Variants in FTCDNL1 observed in about 807,000 individuals in gnomAD.
FTCDNL1 encodes the protein formiminotransferase N-terminal subdomain-containing protein.
Under a neutral mutation model 5.9 loss-of-function variants are expected in FTCDNL1, and 11 were observed. The observed-to-expected ratio is 1.87, with a 90% CI of 1.18 to 3.10. The LOEUF (loss-of-function observed/expected upper bound fraction) is 3.10. Ranked by LOEUF, FTCDNL1 falls within the 30% of genes most tolerant of loss-of-function variation. The pLI, the probability that FTCDNL1 is intolerant of heterozygous loss-of-function variation, is 0.00. For synonymous variants in FTCDNL1, 58 were observed against 24.8 expected (o/e 2.34, Z -3.99); for missense variants, 115 against 65.5 (o/e 1.76, Z -2.61).
chr2:199,737,136 ATT>A, the FTCDNL1 span, among the ~76,000 whole-genome samples: 2 of 152,210 alleles, frequency 1.3e-5, no homozygotes, highest in Non-Finnish European at 2.9e-5. Context: ...TCTGGAAACA[ATT>A]ACCTTGGACC....
chr2:199,848,076 A>G (rs1464862937), intron 2 of FTCDNL1, among the ~76,000 whole-genome samples: 2 of 152,236 alleles, frequency 1.3e-5, no homozygotes, highest in Non-Finnish European at 2.9e-5. Context: ...GTTGCCAAAA[A>G]GTTATTGATT....
At chr2:199,847,266 C>G (rs1290736416) in intron 2 of FTCDNL1, among the ~76,000 whole-genome samples, 1 of 151,610 alleles carries the variant, frequency 6.6e-6, no homozygotes, top group African/African-American at 2.4e-5. Context: ...AAAATAAATG[C>G]CTTTAAAATA....
rs189591694 is a variant in FTCDNL1, at chr2:199,817,683, C to T, written c.397+1889G>A. 9.6e-4 allele frequency among the ~76,000 whole-genome samples: 145 copies of T among 150,280 alleles called. No homozygotes were observed. The Middle Eastern group carries it at 0.01, about 11-fold the overall frequency. On this transcript the variant is annotated intron_variant, in intron 4 of 4. Transcript: ENST00000420128. ...ACCTGAGCCCATGAAGTTGTGGCTGCAGTGAGCCGAGATCGCACCACTGTA... is the reference window on the plus strand; with the variant it reads ...ACCTGAGCCCATGAAGTTGTGGCTGTAGTGAGCCGAGATCGCACCACTGTA...
the FTCDNL1 span, among the ~76,000 whole-genome samples, chr2:199,673,039 C>A: frequency 6.6e-6 from 1 of 151,974 alleles, no homozygotes; most frequent in East Asian, 1.9e-4. Context: ...ATGAAAGTCA[C>A]AAAATTGGCT....
At chr2:199,683,784 T>G in the FTCDNL1 span, among the ~76,000 whole-genome samples, 2 of 152,342 alleles carry the variant, frequency 1.3e-5, no homozygotes, top group Non-Finnish European at 2.9e-5. Context: ...ATACCTTTAA[T>G]TCCCTGTGGA....
chr2:199,716,033 TAAAAAAAAAAAAAAAAAAAAAA>T, the FTCDNL1 span, among the ~76,000 whole-genome samples: 11 of 108,964 alleles, frequency 1.0e-4, no homozygotes, highest in Admixed American at 3.0e-4. Context: ...TGCCTCTAGT[TAAAAAAAAAAAAAAAAAAAAAA>T]AAAAAAAAAA....
At chr2:199,796,362 A>G (rs190293713) in intron 3 of FTCDNL1, among the ~76,000 whole-genome samples, 1 of 152,338 alleles carries the variant, frequency 6.6e-6, no homozygotes, top group Admixed American at 6.5e-5. Context: ...AAATATTGAT[A>G]GCCATCAAAA....
chr2:199,835,877 T>C lies in FTCDNL1; in HGVS notation c.211+10198A>G, dbSNP rs139003955. Among the ~76,000 whole-genome samples, 283 of 152,332 alleles carry C rather than the reference T, an allele frequency of 1.9e-3. 2 individuals are homozygous for C. The highest frequency in any genetic ancestry group is 6.4e-3 in the African/African-American group (265 of 41,572). ...CAGAAAACCTAAAACCCCTCAACTT[T>C]GAGGCCCCCTGGGGCTCCCTTTGTT... On this transcript the variant is annotated intron_variant, in intron 3 of 4. Transcript: ENST00000420128.
chr2:199,671,762 T>C, the FTCDNL1 span, among the ~76,000 whole-genome samples: 1 of 152,102 alleles, frequency 6.6e-6, no homozygotes, highest in Non-Finnish European at 1.5e-5. Flanking sequence ...GGCAATCTTT[T>C]GGCCAGGAAT....
chr2:199,741,685 T>C, the FTCDNL1 span, among the ~76,000 whole-genome samples: 6 of 152,216 alleles, frequency 3.9e-5, no homozygotes, highest in African/African-American at 1.4e-4. Flanking sequence ...AAATTCTTTA[T>C]TGTCCTCTGG....
At chr2:199,818,487 T>G (rs1277081066) in intron 4 of FTCDNL1, 1 of 152,148 alleles carries the variant, frequency 6.6e-6, no homozygotes, top group African/African-American at 2.4e-5. Context: ...GAGACATTAT[T>G]ACGTCCGTTT....
chr2:199,835,366 A>C (rs1389764135), intron 3 of FTCDNL1, among the ~76,000 whole-genome samples: 1 of 152,222 alleles, frequency 6.6e-6, no homozygotes, highest in South Asian at 2.1e-4. Context: ...TTGGAGAATG[A>C]ATTATTCAAC....
intron 3 of FTCDNL1, among the ~76,000 whole-genome samples, chr2:199,787,561 G>A (rs1229293381): frequency 2.0e-5 from 3 of 152,110 alleles, no homozygotes; most frequent in African/African-American, 7.2e-5. Context: ...AGACTTTCTG[G>A]GGAGGGACAA....
At chr2:199,664,793 A>G in the FTCDNL1 span, among the ~76,000 whole-genome samples, 2 of 152,250 alleles carry the variant, frequency 1.3e-5, no homozygotes, top group South Asian at 4.2e-4. Context: ...TTTAATTATG[A>G]TTTTATTCTA....
downstream of FTCDNL1, chr2:199,760,467 C>T (rs936525027): frequency 1.3e-5 from 3 of 229,938 alleles, no homozygotes; most frequent in East Asian, 2.9e-4. Context: ...GGAGTGTAAA[C>T]CAAACAAACA....
At chr2:199,695,136 C>T in the FTCDNL1 span, among the ~76,000 whole-genome samples, 5 of 152,188 alleles carry the variant, frequency 3.3e-5, no homozygotes, top group Non-Finnish European at 5.9e-5. Flanking sequence ...CTAATCCCAA[C>T]ATCCATCAAG....
chr2:199,758,581 G>A (rs376070166), downstream of FTCDNL1, among the ~76,000 whole-genome samples: 5 of 151,910 alleles, frequency 3.3e-5, no homozygotes, highest in East Asian at 9.6e-4. Context: ...TGCACACACC[G>A]CATCTCCCAG....
intron 2 of FTCDNL1, 98 bp downstream of exon 2, chr2:199,848,749 AG>A (rs1201387869): frequency 4.1e-5 from 24 of 587,144 alleles, no homozygotes; most frequent in Middle Eastern, 3.6e-4. Context: ...TCAGGAAGAA[AG>A]AAAGAAAAGT....
chr2:199,803,323 G>C (rs1016173041), intron 3 of FTCDNL1, among the ~76,000 whole-genome samples: 1 of 151,994 alleles, frequency 6.6e-6, no homozygotes, highest in Non-Finnish European at 1.5e-5. Context: ...AACTGCCATA[G>C]AGGGGTGAGT....
Sources: gnomAD v4.1 joint callset for allele counts (sites outside exome capture counted in the v4.1 genomes callset) on GRCh38, gnomAD v4.1.1 for gene constraint, MANE v1.5 for transcripts, NCBI Gene and HGNC (gene_info 2026-07-23, HGNC 2026-07-21) for gene names.